SNX29: variants seen among roughly 807,000 people sequenced by gnomAD.
SNX29 encodes sorting nexin 29.
SNX29 carries 78 observed loss-of-function variants against 102.1 expected under a neutral mutation model. The ratio of observed to expected loss-of-function variants is 0.76; its 90% confidence interval spans 0.64 to 0.92. The LOEUF is 0.92. SNX29 is among the 40% of genes least tolerant of loss of function. The probability of loss-of-function intolerance (pLI) is 0.00; values close to 1 mark genes in which losing one functional copy is unlikely to be tolerated. For synonymous variants in SNX29, 580 were observed against 414.5 expected (o/e 1.40, Z -4.85); for missense variants, 1,280 against 1,061.7 (o/e 1.21, Z -2.86).
intron 11 of SNX29, among the ~76,000 whole-genome samples, chr16:12,085,274 T>C (rs1419684687): frequency 6.6e-6 from 1 of 152,142 alleles, no homozygotes; most frequent in Non-Finnish European, 1.5e-5. Context: ...ACACAGCAGG[T>C]CCGAGGAGAG....
Position 12,572,161 on chromosome 16 carries a change from G to A in SNX29, c.*3532G>A, listed in dbSNP as rs1261495827. On this transcript the variant is annotated 3_prime_UTR_variant, in exon 21 of 21. Coordinates refer to ENST00000566228, the MANE Select transcript of SNX29 (RefSeq NM_032167.5). ...TTTGGAGCTTATTAAGATCAATTTT[G>A]ATAACCATGTAATTTCTTAGAACCA... 2 of 984,694 alleles carry A rather than the reference G, an allele frequency of 2.0e-6. No homozygotes were observed. The highest frequency in any genetic ancestry group is 2.5e-6 in the Non-Finnish European group (2 of 806,634). 61.0% of individuals were successfully genotyped at this position (984,694 alleles called of 1,614,324 possible).
intron 14 of SNX29, among the ~76,000 whole-genome samples, chr16:12,246,572 C>T (rs573984889): frequency 3.3e-5 from 5 of 151,950 alleles, no homozygotes; most frequent in Admixed American, 2.0e-4. Context: ...ACCTGGGAGG[C>T]GAAGTTGTAG....
At chr16:12,129,800 T>C in intron 13 of SNX29, 42 bp downstream of exon 13, 1 of 1,556,426 alleles carries the variant, frequency 6.4e-7, no homozygotes, top group Non-Finnish European at 8.7e-7. Context: ...ACGTGGGGGC[T>C]TCATTAAAAC....
At chr16:12,540,182 T>G (rs1335979137) in intron 20 of SNX29, among the ~76,000 whole-genome samples, 1 of 152,166 alleles carries the variant, frequency 6.6e-6, no homozygotes, top group Non-Finnish European at 1.5e-5. Context: ...TTGAGTGGAC[T>G]TTTGTGTCAG....
rs150513122 is a variant in SNX29, at chr16:12,573,442, T to G, written c.*4813T>G. ...AAATCTGGCTTCCTTAATAAGATAG[T>G]TGAGCCTATGACATTAAGGAGCAGC... On this transcript the variant is annotated 3_prime_UTR_variant, in exon 21 of 21. Transcript: ENST00000566228. 2.7e-3 allele frequency: 608 copies of G among 224,116 alleles called. 2 individuals carry two copies. Among genetic ancestry groups the G allele is most frequent in the African/African-American group, 0.012 (557 of 44,932 alleles). 13.9% of individuals were successfully genotyped at this position (224,116 alleles called of 1,614,324 possible).
chr16:12,396,104 A>G (rs1299613682), intron 16 of SNX29, among the ~76,000 whole-genome samples: 1 of 152,222 alleles, frequency 6.6e-6, no homozygotes, highest in Non-Finnish European at 1.5e-5. Context: ...AGTCAGAAGG[A>G]TTGAACCACT....
chr16:12,538,108 A>G (rs748740957), intron 20 of SNX29, among the ~76,000 whole-genome samples: 46 of 135,978 alleles, frequency 3.4e-4, no homozygotes, highest in Non-Finnish European at 5.5e-4. Flanking sequence ...AGCTTTCTGC[A>G]TTTCCCCTTG....
Position 12,572,327 on chromosome 16 carries a change from GC to G in SNX29, c.*3701del. 1 of 1,062,972 alleles carries G rather than the reference GC, an allele frequency of 9.4e-7. No homozygotes were observed. The highest frequency in any genetic ancestry group is 5.4e-5 in the Admixed American group (1 of 18,690). The allele number at this position is 1,062,972 out of a possible 1,614,324, so 65.8% of individuals were successfully genotyped here. A position where few individuals can be genotyped will look rare whatever the true frequency, so the allele number is the denominator to read the frequency against. ...AATCCAGGTTGGAAACAGGAGTGAA[GC>G]CCACCAGCCTGCCTGGTTGATGGAC... is the stretch of plus-strand genomic sequence containing the variant. On this transcript the variant is annotated 3_prime_UTR_variant, in exon 21 of 21. Coordinates refer to ENST00000566228, the MANE Select transcript of SNX29 (RefSeq NM_032167.5).
intron 9 of SNX29, among the ~76,000 whole-genome samples, chr16:12,064,078 G>C (rs951381694): frequency 6.6e-6 from 1 of 152,052 alleles, no homozygotes; most frequent in Non-Finnish European, 1.5e-5. Context: ...ACCTTGTCCC[G>C]TTCCCCATGG....
In SNX29 at chr16:12,571,549, G is replaced by C. The variant is rs1001608852; in HGVS notation, c.*2920G>C. The C allele has an allele frequency of 2.1e-6, 2 of 973,456 alleles. No homozygotes were observed. The highest frequency in any genetic ancestry group is 3.4e-5 in the African/African-American group (2 of 58,978). The allele number at this position is 973,456 out of a possible 1,614,324, so 60.3% of individuals were successfully genotyped here. ...TGGGACCACCCTTTGCTGGGAGGAA[G>C]AATCCACACCGAATCCTTCTGTCTT... On this transcript the variant is annotated 3_prime_UTR_variant, in exon 21 of 21. Transcript: ENST00000566228.
intron 14 of SNX29, 81 bp downstream of exon 14, chr16:12,199,764 A>G (rs762694090): frequency 7.0e-6 from 8 of 1,148,902 alleles, no homozygotes; most frequent in South Asian, 1.3e-5. Flanking sequence ...TAGACACTCA[A>G]TGTGTGACGA....
chr16:12,065,733 C>T (rs1031046902), intron 9 of SNX29, among the ~76,000 whole-genome samples: 9 of 152,204 alleles, frequency 5.9e-5, no homozygotes, highest in Admixed American at 1.3e-4. Flanking sequence ...TCAGCTTATA[C>T]GGGTTGTGTG....
At chr16:12,048,988 C>T (rs1208090187) in intron 7 of SNX29, among the ~76,000 whole-genome samples, 1 of 152,194 alleles carries the variant, frequency 6.6e-6, no homozygotes, top group East Asian at 1.9e-4. Flanking sequence ...CAGCAGGTAG[C>T]CTGCAGTCTC....
chr16:12,386,452 G>C (rs149601992), intron 16 of SNX29, among the ~76,000 whole-genome samples: 76 of 152,300 alleles, frequency 5.0e-4, no homozygotes, highest in African/African-American at 1.7e-3. Flanking sequence ...AGAGCTAGGA[G>C]GAGGCAATTC....
Position 12,570,065 on chromosome 16 carries a change from T to C in SNX29, c.*1436T>C, listed in dbSNP as rs937965576. 3.6e-5 allele frequency: 23 copies of C among 639,194 alleles called. No individual in the cohort carries two copies. Among genetic ancestry groups the C allele is most frequent in the South Asian group, 7.3e-5 (1 of 13,750 alleles). 39.6% of individuals were successfully genotyped at this position (639,194 alleles called of 1,614,324 possible). A position where few individuals can be genotyped will look rare whatever the true frequency, so the allele number is the denominator to read the frequency against. ...TAGGCTCGAGGACATCTCTGGAGAA[T>C]CATCTGGAAGGTTTATACTGTGCCT... On this transcript the variant is annotated 3_prime_UTR_variant, in exon 21 of 21. Transcript: ENST00000566228.
chr16:12,181,405 G>A (rs1219827012), intron 13 of SNX29, among the ~76,000 whole-genome samples: 1 of 152,198 alleles, frequency 6.6e-6, no homozygotes, highest in East Asian at 1.9e-4. Context: ...AGGGCTTCCA[G>A]GTCCTAGGTA....
intron 13 of SNX29, among the ~76,000 whole-genome samples, chr16:12,153,970 C>G (rs918384576): frequency 1.3e-5 from 2 of 152,138 alleles, no homozygotes; most frequent in Admixed American, 6.5e-5. Context: ...GGTGTCCTCC[C>G]GCTTTGAAAG....
At chr16:12,313,115 G>A (rs1455063182) in intron 15 of SNX29, among the ~76,000 whole-genome samples, 1 of 152,010 alleles carries the variant, frequency 6.6e-6, no homozygotes, top group Non-Finnish European at 1.5e-5. Flanking sequence ...CTGGGGTCAA[G>A]TGATTCTCCT....
rs190475699 is a variant in SNX29 at position 12,132,231 on chromosome 16, T to A, written c.1595+2473T>A. Among the ~76,000 whole-genome samples the A allele has an allele frequency of 3.2e-3, 481 of 152,042 alleles. 4 individuals are homozygous for A. Among genetic ancestry groups the A allele is most frequent in the African/African-American group, 0.011 (448 of 41,476 alleles). ...CTCCGGCCTCAACCTCCCAAGTAGCTGGTATTACAGGTGCCCGCCACTATG... is the reference window on the plus strand; with the variant it reads ...CTCCGGCCTCAACCTCCCAAGTAGCAGGTATTACAGGTGCCCGCCACTATG... On this transcript the variant is annotated intron_variant, in intron 13 of 20. Coordinates refer to ENST00000566228, the MANE Select transcript of SNX29 (RefSeq NM_032167.5).
Sources: gnomAD v4.1 joint callset for allele counts (sites outside exome capture counted in the v4.1 genomes callset) on GRCh38, gnomAD v4.1.1 for gene constraint, MANE v1.5 for transcripts, NCBI Gene and HGNC (gene_info 2026-07-23, HGNC 2026-07-21) for gene names.